Variants in PCLO observed in about 807,000 individuals in gnomAD.
PCLO encodes the protein protein piccolo.
Under a neutral mutation model 427.5 loss-of-function variants are expected in PCLO, and 82 were observed. That is an observed-to-expected ratio of 0.19 (90% CI 0.16 to 0.23). PCLO has a LOEUF of 0.23. PCLO is among the 10% of genes least tolerant of loss of function. PCLO has a pLI of 1.00. For missense variants in PCLO, 6,239 were observed against 6,115.9 expected (o/e 1.02, Z -0.67); for synonymous variants, 2,357 against 2,155.4 (o/e 1.09, Z -2.59).
chr7:83,039,247 G>C (rs1397136382), intron 3 of PCLO, among the ~76,000 whole-genome samples: 2 of 151,424 alleles, frequency 1.3e-5, no homozygotes, highest in African/African-American at 4.8e-5. Context: ...TTTTTCTTTT[G>C]TTGCTCATAC....
intron 3 of PCLO, among the ~76,000 whole-genome samples, chr7:82,999,448 A>G (rs1272757906): frequency 8.2e-6 from 1 of 122,696 alleles, no homozygotes; most frequent in African/African-American, 3.1e-5. Context: ...ATATTATTCC[A>G]TTATATAAAA....
chr7:83,129,618 G>C, intron 3 of PCLO, among the ~76,000 whole-genome samples: 1 of 151,848 alleles, frequency 6.6e-6, no homozygotes, highest in East Asian at 1.9e-4. Context: ...GTTTTCCTTG[G>C]GAAATAGTTA....
chr7:82,760,272 G>A (rs369105563), intron 24 of PCLO, among the ~76,000 whole-genome samples: 1 of 151,948 alleles, frequency 6.6e-6, no homozygotes, highest in Non-Finnish European at 1.5e-5. Context: ...ATGTAACTCT[G>A]GCAGTGCTGT....
chr7:82,907,471 G>A (rs1008896521), intron 8 of PCLO, among the ~76,000 whole-genome samples: 8 of 151,794 alleles, frequency 5.3e-5, no homozygotes, highest in African/African-American at 1.9e-4. Flanking sequence ...TAGATAAAAG[G>A]AGCTAAATTT....
chr7:83,070,745 C>G (rs913590900), intron 3 of PCLO, among the ~76,000 whole-genome samples: 1 of 152,118 alleles, frequency 6.6e-6, no homozygotes, highest in African/African-American at 2.4e-5. Context: ...AAAACACACA[C>G]TAAACAGTGA....
intron 22 of PCLO, among the ~76,000 whole-genome samples, chr7:82,764,637 G>A (rs562124013): frequency 6.6e-6 from 1 of 151,842 alleles, no homozygotes; most frequent in Non-Finnish European, 1.5e-5. Flanking sequence ...TAAGAGTGCA[G>A]AGGTTGAGAT....
intron 3 of PCLO, among the ~76,000 whole-genome samples, chr7:83,043,911 T>C (rs1292032425): frequency 2.0e-5 from 2 of 100,916 alleles, no homozygotes; most frequent in African/African-American, 8.0e-5. Context: ...ACTATTATTT[T>C]CTTTTTTTTT....
chr7:83,160,551 T>C (rs895797360), intron 1 of PCLO, among the ~76,000 whole-genome samples: 2 of 141,984 alleles, frequency 1.4e-5, no homozygotes, highest in Non-Finnish European at 3.2e-5. Flanking sequence ...AAAATTATTA[T>C]TTATTTTTTA....
At chr7:82,862,420 A>C (rs1232762387) in intron 10 of PCLO, among the ~76,000 whole-genome samples, 1 of 151,924 alleles carries the variant, frequency 6.6e-6, no homozygotes, top group Admixed American at 6.6e-5. Flanking sequence ...ACATTGATTT[A>C]TCATATGAAC....
intron 6 of PCLO, among the ~76,000 whole-genome samples, chr7:82,942,302 C>T (rs1017621439): frequency 1.3e-5 from 2 of 152,192 alleles, no homozygotes; most frequent in Non-Finnish European, 2.9e-5. Context: ...AGTCAGACGT[C>T]TCCCATGTTA....
chr7:83,129,667 T>G (rs896339550), intron 3 of PCLO, among the ~76,000 whole-genome samples: 1 of 152,124 alleles, frequency 6.6e-6, no homozygotes, highest in Non-Finnish European at 1.5e-5. Context: ...TCATTAAAAA[T>G]GACAACAGCC....
intron 10 of PCLO, among the ~76,000 whole-genome samples, chr7:82,849,768 T>G (rs550499477): frequency 6.6e-6 from 1 of 152,170 alleles, no homozygotes; most frequent in Admixed American, 6.5e-5. Context: ...CAATAATGTA[T>G]CTTGTCATTT....
chr7:83,106,452 T>G (rs68027937), intron 3 of PCLO, among the ~76,000 whole-genome samples: 69,779 of 152,004 alleles, frequency 0.46, 16,436 homozygotes, highest in East Asian at 0.71. Context: ...ATACTTTGAT[T>G]TGCTCATCAA....
intron 3 of PCLO, among the ~76,000 whole-genome samples, chr7:83,033,135 C>A (rs1358512458): frequency 6.6e-6 from 1 of 152,142 alleles, no homozygotes; most frequent in Non-Finnish European, 1.5e-5. Context: ...TTCCTGAGAT[C>A]TCCCCAGCCA....
intron 3 of PCLO, among the ~76,000 whole-genome samples, chr7:83,041,506 A>C (rs1272064899): frequency 6.6e-6 from 1 of 152,188 alleles, no homozygotes; most frequent in Non-Finnish European, 1.5e-5. Flanking sequence ...GGTTAATAAA[A>C]TCCAAAATTC....
chr7:82,865,216 G>A (rs749613174), intron 10 of PCLO, among the ~76,000 whole-genome samples: 194 of 152,118 alleles, frequency 1.3e-3, no homozygotes, highest in Non-Finnish European at 2.2e-3. Context: ...TGCCGGGCAT[G>A]GCGGCTTACA....
At chr7:83,000,819 A>C (rs1163770130) in intron 3 of PCLO, among the ~76,000 whole-genome samples, 1 of 152,086 alleles carries the variant, frequency 6.6e-6, no homozygotes, top group Non-Finnish European at 1.5e-5. Flanking sequence ...AAAAGGAATA[A>C]GTGAAGTAAA....
intron 3 of PCLO, among the ~76,000 whole-genome samples, chr7:83,073,136 G>A (rs2116363509): frequency 6.6e-6 from 1 of 151,904 alleles, no homozygotes; most frequent in Non-Finnish European, 1.5e-5. Context: ...GTGATAGCTG[G>A]AAATATTACA....
At position 82,793,872 on chromosome 7, in the gene PCLO, T is replaced by C. The variant is rs904375371; in HGVS notation, c.15007+7646A>G. ...ATGCTTCTATGTGGTTAATTCGCTATTTTGGTGGAGCATATCTTCAAGGAG... is the reference window on the plus strand; with the variant it reads ...ATGCTTCTATGTGGTTAATTCGCTACTTTGGTGGAGCATATCTTCAAGGAG... On this transcript the variant is annotated intron_variant, in intron 22 of 24. Transcript: ENST00000333891. Among the ~76,000 whole-genome samples the C allele has an allele frequency of 4.6e-5, 7 of 152,168 alleles. 1 individual carries two copies. Among genetic ancestry groups the C allele is most frequent in the Admixed American group, 3.3e-4 (5 of 15,268 alleles).
Sources: gnomAD v4.1 joint callset for allele counts (sites outside exome capture counted in the v4.1 genomes callset) on GRCh38, gnomAD v4.1.1 for gene constraint, MANE v1.5 for transcripts, NCBI Gene and HGNC (gene_info 2026-07-23, HGNC 2026-07-21) for gene names.